The following SCN9A variants were observed in gnomAD, a reference collection of about 807,000 sequenced individuals.
SCN9A encodes the protein sodium channel protein type 9 subunit alpha.
SCN9A carries 131 observed loss-of-function variants against 187.0 expected under a neutral mutation model. The ratio of observed to expected loss-of-function variants is 0.70; its 90% CI spans 0.61 to 0.81. The LOEUF is 0.81. Among genes scored for constraint, SCN9A ranks in the 30% least tolerant of loss-of-function variants. The pLI is 0.00. For synonymous variants in SCN9A, 809 were observed against 808.6 expected, an observed-to-expected ratio of 1.00 and a Z score of -0.01; for missense variants, 2,252 against 2,396.6, an observed-to-expected ratio of 0.94 and a Z score of 1.26.
chr2:166,286,502 C>G lies in SCN9A; in HGVS notation c.1436G>C (p.Arg479Thr). The G allele has an allele frequency of 6.2e-7, 1 of 1,613,588 alleles. No individual in the cohort carries two copies. The highest frequency in any genetic ancestry group is 8.5e-7 in the Non-Finnish European group (1 of 1,179,772). Reference protein sequence around the residue: ...SSKSAKERRNRRKKKNQKKLS... With the variant: ...SSKSAKERRNTRKKKNQKKLS... The stretch of plus-strand genomic sequence containing the variant: ...CTTCTTTTGATTCTTTTTCTTTCTT[C>G]TGTTTCTTCTTTCTTTAGCACTTTT... Residue 479 changes from arginine to threonine, a missense_variant, in exon 11 of 27, where the codon AGA (arginine) becomes ACA (threonine). By Grantham distance (71) the Arg-to-Thr change is moderately conservative. Around this residue, in one of 7 missense-constraint regions of SCN9A, gnomAD observed 1,013 missense variants for 997.4 expected, o/e 1.02. Coordinates refer to ENST00000642356, the MANE Select transcript of SCN9A (RefSeq NM_001365536.1).
intron 6 of SCN9A, 54 bp from the exon 7 acceptor site, chr2:166,303,356 C>G (rs1335668454): frequency 1.5e-6 from 2 of 1,357,882 alleles, no homozygotes; most frequent in African/African-American, 1.5e-5. Flanking sequence ...TGAATCGAAA[C>G]AAAAAACACA....
intron 24 of SCN9A, among the ~76,000 whole-genome samples, chr2:166,217,459 T>C (rs1025228883): frequency 6.6e-6 from 1 of 152,028 alleles, no homozygotes; most frequent in African/African-American, 2.4e-5. Flanking sequence ...AAACCATACA[T>C]CTGATAAAGG....
At chr2:166,324,743 T>C (rs1441157437) in intron 1 of SCN9A, among the ~76,000 whole-genome samples, 3 of 152,022 alleles carry the variant, frequency 2.0e-5, no homozygotes, top group African/African-American at 7.3e-5. Flanking sequence ...ATCAGACAAA[T>C]ACCAATTCAG....
rs187669623 is a variant in SCN9A, at chr2:166,239,955, G to C, written c.3628-1688C>G. On this transcript the variant is annotated intron_variant, in intron 19 of 26. Coordinates refer to ENST00000642356, the MANE Select transcript of SCN9A (RefSeq NM_001365536.1). Reference sequence around the variant, plus strand: ...CTTATGTGAGCTCTATCTGATTTAGGACTTAACGCTTTACTGTTACTAAAT... The same window carrying C: ...CTTATGTGAGCTCTATCTGATTTAGCACTTAACGCTTTACTGTTACTAAAT... Among the ~76,000 whole-genome samples, 29 of 152,202 alleles carry C rather than the reference G, an allele frequency of 1.9e-4. No homozygotes were observed. In the East Asian group the frequency reaches 2.9e-3, roughly 15 times the overall value.
chr2:166,349,119 C>T (rs1368762407), intron 1 of SCN9A, among the ~76,000 whole-genome samples: 1 of 136,716 alleles, frequency 7.3e-6, no homozygotes, highest in African/African-American at 2.9e-5. Context: ...AAGAGCAAAA[C>T]TCCGTCAAAA....
chr2:166,297,224 A>AAAAAAAAAAAAG (rs1698353735), intron 7 of SCN9A, among the ~76,000 whole-genome samples: 1 of 141,224 alleles, frequency 7.1e-6, no homozygotes, highest in Non-Finnish European at 1.5e-5. Context: ...AAAAAAAAAA[A>AAAAAAAAAAAAG]AAAGAACCAT....
At position 166,199,234 on chromosome 2, in the gene SCN9A, A is replaced by G. The variant is rs1277590831; in HGVS notation, c.5405T>C (p.Leu1802Pro). The change falls in exon 27 of 27, where the codon CTC (leucine) becomes CCC (proline). Residue 1802 changes from leucine to proline, a missense_variant. Transcript: ENST00000642356. ...ATCCAGGGCAGCTGCAAAATCAGAG[A>G]GTTTAGAGAACTCTATAAACTGGGT... The part of the protein sequence containing the change: ...DATQFIEFSK[L>P]SDFAAALDPP... The G allele has an allele frequency of 6.2e-7, 1 of 1,614,052 alleles. No individual in the cohort carries two copies. The highest frequency in any genetic ancestry group is 8.5e-7 in the Non-Finnish European group (1 of 1,180,044).
intron 17 of SCN9A, among the ~76,000 whole-genome samples, chr2:166,268,303 T>C (rs914043792): frequency 6.6e-6 from 1 of 152,052 alleles, no homozygotes; most frequent in African/African-American, 2.4e-5. Flanking sequence ...CCCAAGGTAG[T>C]GGCTAAGACT....
intron 1 of SCN9A, among the ~76,000 whole-genome samples, chr2:166,342,421 TA>T: frequency 6.6e-6 from 1 of 152,294 alleles, no homozygotes; most frequent in African/African-American, 2.4e-5. Flanking sequence ...CTTAAGGTGA[TA>T]ATATCTATAG....
At chr2:166,306,007 C>T in intron 4 of SCN9A, 87 bp from the exon 5 acceptor site, 1 of 1,486,454 alleles carries the variant, frequency 6.7e-7, no homozygotes, top group Non-Finnish European at 9.2e-7. Context: ...TCTAATTAAC[C>T]ACTGGAAGAC....
intron 1 of SCN9A, among the ~76,000 whole-genome samples, chr2:166,332,672 T>C (rs1456247366): frequency 6.6e-6 from 1 of 152,132 alleles, no homozygotes; most frequent in Non-Finnish European, 1.5e-5. Context: ...ATTATCTTTA[T>C]TAATAATATT....
chr2:166,321,614 G>T (rs1416767883), intron 1 of SCN9A: 1 of 151,744 alleles, frequency 6.6e-6, no homozygotes, highest in Non-Finnish European at 1.5e-5. Flanking sequence ...AAGAAGAGTT[G>T]GAATGAGGGG....
intron 20 of SCN9A, among the ~76,000 whole-genome samples, chr2:166,235,045 A>G (rs941742252): frequency 6.6e-5 from 10 of 152,148 alleles, no homozygotes; most frequent in Admixed American, 5.9e-4. Context: ...CCCACCAGCA[A>G]GAAAGTTCCC....
chr2:166,299,171 A>AGTGAGAGACACCATGC (rs1698448020), intron 7 of SCN9A, among the ~76,000 whole-genome samples: 1 of 151,540 alleles, frequency 6.6e-6, no homozygotes, highest in African/African-American at 2.4e-5. Flanking sequence ...CTACTCATTC[A>AGTGAGAGACACCATGC]TTATCACTAG....
chr2:166,291,755 A>T (rs548559250), intron 9 of SCN9A, among the ~76,000 whole-genome samples: 1 of 152,326 alleles, frequency 6.6e-6, no homozygotes, highest in East Asian at 1.9e-4. Context: ...TAGAGACCTC[A>T]GAAATAACAC....
chr2:166,364,068 A>G (rs1700355380), intron 1 of SCN9A, among the ~76,000 whole-genome samples: 1 of 152,084 alleles, frequency 6.6e-6, no homozygotes. Flanking sequence ...CAATCAGTAC[A>G]TGGGAAGATG....
At chr2:166,269,122 T>C (rs1428779002) in intron 17 of SCN9A, among the ~76,000 whole-genome samples, 1 of 151,800 alleles carries the variant, frequency 6.6e-6, no homozygotes, top group African/African-American at 2.4e-5. Context: ...CATTATGTAA[T>C]GAGAAAAAAA....
intron 16 of SCN9A, among the ~76,000 whole-genome samples, chr2:166,274,165 G>GC (rs1373205536): frequency 6.6e-6 from 1 of 152,166 alleles, no homozygotes; most frequent in African/African-American, 2.4e-5. Context: ...TTAACAGGGT[G>GC]CAGTGGCTCA....
chr2:166,347,351 GA>G (rs1365782856), intron 1 of SCN9A, among the ~76,000 whole-genome samples: 2 of 152,128 alleles, frequency 1.3e-5, no homozygotes, highest in Non-Finnish European at 2.9e-5. Flanking sequence ...GAATACAGAT[GA>G]AAATAATTTC....
Sources: allele counts gnomAD v4.1 joint callset (sites outside exome capture counted in the v4.1 genomes callset), GRCh38; gene constraint gnomAD v4.1.1; regional missense constraint gnomAD v4.1.1; transcripts MANE v1.5; gene names NCBI Gene and HGNC (gene_info 2026-07-23, HGNC 2026-07-21).